The following KANK1 variants were observed in gnomAD, a reference collection of about 807,000 sequenced individuals.
KANK1 encodes the protein KN motif and ankyrin repeat domain-containing protein 1.
KANK1 carries 109 observed loss-of-function variants against 106.2 expected under a neutral mutation model. The ratio of observed to expected loss-of-function variants is 1.03; its 90% CI spans 0.88 to 1.20. KANK1 has a LOEUF of 1.20. KANK1 is among the 50% of genes most tolerant of loss of function. The pLI is 0.00. For missense variants in KANK1, 2,399 were observed against 1,710.7 expected (o/e 1.40, Z -7.10); for synonymous variants, 873 against 652.2 (o/e 1.34, Z -5.16).
At chr9:718,953 CTTTTTTTTT>C (rs35097931) in intron 3 of KANK1, among the ~76,000 whole-genome samples, 1 of 78,280 alleles carries the variant, frequency 1.3e-5, no homozygotes, top group Non-Finnish European at 2.3e-5. Flanking sequence ...TGCTCGAGCC[CTTTTTTTTT>C]TTTTTTTTTT....
intron 1 of KANK1, among the ~76,000 whole-genome samples, chr9:521,399 A>C (rs183202365): frequency 2.4e-4 from 37 of 151,532 alleles, no homozygotes; most frequent in Admixed American, 2.1e-3. Flanking sequence ...AAGTAGGTGC[A>C]CCAAGCCTCA....
intron 1 of KANK1, among the ~76,000 whole-genome samples, chr9:572,393 T>C (rs1051968953): frequency 2.0e-5 from 3 of 151,680 alleles, no homozygotes; most frequent in South Asian, 2.1e-4. Flanking sequence ...TACTAAAAAA[T>C]AGAAAAAAAT....
intron 1 of KANK1, among the ~76,000 whole-genome samples, chr9:530,737 C>T (rs1189162220): frequency 6.6e-6 from 1 of 152,162 alleles, no homozygotes; most frequent in East Asian, 1.9e-4. Context: ...GCCTATAATC[C>T]TAGCACTTTG....
intron 1 of KANK1, among the ~76,000 whole-genome samples, chr9:586,033 G>A (rs1322883511): frequency 6.6e-6 from 1 of 152,142 alleles, no homozygotes; most frequent in Non-Finnish European, 1.5e-5. Flanking sequence ...CTGTAAGGTG[G>A]GATGGGAATA....
chr9:514,226 CCCTCCCTCCCTCCCTTCCTTCCTT>C (rs1563697255), intron 1 of KANK1, among the ~76,000 whole-genome samples: 1 of 92,334 alleles, frequency 1.1e-5, no homozygotes, highest in Non-Finnish European at 1.9e-5. Flanking sequence ...CTCCCTTCCT[CCCTCCCTCCCTCCCTTCCTTCCTT>C]CCTCCCTCCG....
intron 1 of KANK1, among the ~76,000 whole-genome samples, chr9:572,469 G>T (rs1388887860): frequency 1.3e-5 from 2 of 152,036 alleles, no homozygotes; most frequent in Admixed American, 6.5e-5. Context: ...GGAGACTGGC[G>T]TGAACCTGGG....
intron 1 of KANK1, among the ~76,000 whole-genome samples, chr9:557,944 A>C (rs1036769367): frequency 1.3e-5 from 2 of 152,144 alleles, no homozygotes; most frequent in African/African-American, 2.4e-5. Context: ...GGTTGAGGCT[A>C]CAGTGAGCTA....
intron 1 of KANK1, among the ~76,000 whole-genome samples, chr9:586,869 C>G (rs1419314424): frequency 1.3e-5 from 2 of 152,144 alleles, no homozygotes; most frequent in African/African-American, 2.4e-5. Flanking sequence ...CCCTGCACCC[C>G]CAGCAGGAAA....
intron 2 of KANK1, chr9:707,053 A>C (rs1589072114): frequency 1.0e-6 from 1 of 985,310 alleles, no homozygotes; most frequent in African/African-American, 1.7e-5. Flanking sequence ...GGGTGGTGTC[A>C]CTGCAGCCGG....
At chr9:647,603 A>C (rs1373236810) in intron 1 of KANK1, among the ~76,000 whole-genome samples, 1 of 150,794 alleles carries the variant, frequency 6.6e-6, no homozygotes, top group African/African-American at 2.5e-5. Flanking sequence ...GGTCTTAAGA[A>C]AACTCTTAGT....
At position 504,782 on chromosome 9, in the gene KANK1, G is replaced by GCCCCGTGCCGCGCCCCGTGCCGCGCTGCT. The variant is rs1554723235; in HGVS notation, c.-84+40_-84+41insCCCCGTGCCGCGCTGCTCCCCGTGCCGCG. Reference sequence around the variant, plus strand: ...GAGTGACGCGGCGGGGCCGTGCCGCGCCCCGTGCCGCGGCGAGGTTGTCCC... The same window carrying GCCCCGTGCCGCGCCCCGTGCCGCGCTGCT: ...GAGTGACGCGGCGGGGCCGTGCCGCGCCCCGTGCCGCGCCCCGTGCCGCGCTGCTCCCCGTGCCGCGGCGAGGTTGTCCC... On this transcript the variant is annotated intron_variant, in intron 1 of 11. Transcript: ENST00000382297. 2.3e-3 allele frequency: 338 copies of GCCCCGTGCCGCGCCCCGTGCCGCGCTGCT among 148,108 alleles called. 2 individuals carry two copies. Among genetic ancestry groups the GCCCCGTGCCGCGCCCCGTGCCGCGCTGCT allele is most frequent in the African/African-American group, 7.9e-3 (325 of 40,966 alleles). 9.2% of individuals were successfully genotyped at this position (148,108 alleles called of 1,614,324 possible). A position where few individuals can be genotyped will look rare whatever the true frequency, so the allele number is the denominator to read the frequency against.
intron 5 of KANK1, chr9:731,521 T>C: frequency 3.3e-6 from 1 of 298,782 alleles, no homozygotes; most frequent in East Asian, 6.7e-5. Context: ...CTGAAAGAAA[T>C]AGTCTTCAGC....
intron 3 of KANK1, among the ~76,000 whole-genome samples, chr9:716,643 A>C (rs1273239786): frequency 6.6e-6 from 1 of 152,210 alleles, no homozygotes; most frequent in Non-Finnish European, 1.5e-5. Context: ...TTTCTCCTAG[A>C]GTTGAAGATT....
At chr9:673,960 T>C (rs971980150) in intron 1 of KANK1, 5 of 152,148 alleles carry the variant, frequency 3.3e-5, no homozygotes, top group African/African-American at 1.2e-4. Flanking sequence ...TGGGCTTCTT[T>C]CCTTTGCCCC....
chr9:710,087 A>G (rs1825513454), intron 2 of KANK1, among the ~76,000 whole-genome samples: 1 of 152,048 alleles, frequency 6.6e-6, no homozygotes, highest in Non-Finnish European at 1.5e-5. Flanking sequence ...GGGTTGAAAA[A>G]TTACCTATTG....
At chr9:598,908 G>A (rs1389108856) in intron 1 of KANK1, among the ~76,000 whole-genome samples, 5 of 148,160 alleles carry the variant, frequency 3.4e-5, no homozygotes, top group South Asian at 2.2e-4. Flanking sequence ...CTAGAATTAC[G>A]GGCATGAGCC....
chr9:577,221 T>C (rs1323054062), intron 1 of KANK1, among the ~76,000 whole-genome samples: 3 of 152,196 alleles, frequency 2.0e-5, no homozygotes, highest in African/African-American at 7.2e-5. Flanking sequence ...TATTCCCTTA[T>C]TTGGCCCCGC....
intron 3 of KANK1, among the ~76,000 whole-genome samples, chr9:714,270 G>A (rs531583773): frequency 2.6e-5 from 4 of 152,020 alleles, no homozygotes; most frequent in South Asian, 4.2e-4. Context: ...AATTAACTCC[G>A]GTTATGGGAA....
At chr9:718,106 A>G (rs1397489108) in intron 3 of KANK1, among the ~76,000 whole-genome samples, 3 of 152,158 alleles carry the variant, frequency 2.0e-5, no homozygotes, top group African/African-American at 2.4e-5. Context: ...TCCTCGTTCA[A>G]ATAATATATC....
Sources: allele counts gnomAD v4.1 joint callset (sites outside exome capture counted in the v4.1 genomes callset), GRCh38; gene constraint gnomAD v4.1.1; transcripts MANE v1.5; gene names NCBI Gene and HGNC (gene_info 2026-07-23, HGNC 2026-07-21).